SGCD: variants seen among roughly 807,000 people sequenced by gnomAD.
SGCD encodes sarcoglycan delta, also known as delta-sarcoglycan.
SGCD carries 18 observed loss-of-function variants against 36.6 expected under a neutral mutation model. The observed-to-expected ratio is 0.49, with a 90% CI of 0.34 to 0.73. SGCD has a LOEUF of 0.73. Among genes scored for constraint, SGCD ranks in the 30% least tolerant of loss-of-function variants. SGCD has a pLI of 0.01. For synonymous variants in SGCD, 133 were observed against 130.6 expected, an observed-to-expected ratio of 1.02 and a Z score of -0.12; for missense variants, 387 against 346.7, an observed-to-expected ratio of 1.12 and a Z score of -0.92.
chr5:155,778,951 A>G, the SGCD span, among the ~76,000 whole-genome samples: 3 of 152,214 alleles, frequency 2.0e-5, no homozygotes, highest in Non-Finnish European at 2.9e-5. Flanking sequence ...ATAAAGGGCC[A>G]GGGCCTTTGA....
intron 4 of SGCD, among the ~76,000 whole-genome samples, chr5:156,575,117 G>C (rs1759878971): frequency 6.6e-6 from 1 of 152,196 alleles, no homozygotes; most frequent in Admixed American, 6.5e-5. Flanking sequence ...CTGCAGCAAA[G>C]AGTGGGGTGG....
At position 156,363,014 on chromosome 5, in the gene SGCD, G is replaced by A. The variant is rs554547301; in HGVS notation, c.192+18337G>A. Reference sequence around the variant, plus strand: ...CCTAAATTGTTTATTTCTCCAGATGGTTTCTAAAATCTATGATTTTACCTT... The same window carrying A: ...CCTAAATTGTTTATTTCTCCAGATGATTTCTAAAATCTATGATTTTACCTT... On this transcript the variant is annotated intron_variant, in intron 3 of 8. Transcript: ENST00000337851. Among the ~76,000 whole-genome samples, 348 of 151,842 alleles carry A rather than the reference G, an allele frequency of 2.3e-3. 1 individual carries two copies. The highest frequency in any genetic ancestry group is 8.1e-3 in the African/African-American group (334 of 41,378).
chr5:155,912,748 T>G (rs1471090800), intron 1 of SGCD, among the ~76,000 whole-genome samples: 2 of 152,072 alleles, frequency 1.3e-5, no homozygotes, highest in Admixed American at 1.3e-4. Context: ...CTTCCCCTCT[T>G]CCTTCTCTTC....
intron 1 of SGCD, among the ~76,000 whole-genome samples, chr5:155,882,027 T>C (rs1208330194): frequency 6.6e-6 from 1 of 152,176 alleles, no homozygotes; most frequent in Admixed American, 6.5e-5. Flanking sequence ...AAGTTATTCA[T>C]GAGGGTTAAA....
At chr5:156,241,778 G>T (rs1765312615) in intron 3 of SGCD, among the ~76,000 whole-genome samples, 1 of 152,160 alleles carries the variant, frequency 6.6e-6, no homozygotes, top group Non-Finnish European at 1.5e-5. Context: ...ATGCTAGTAG[G>T]TACTGGAAAT....
intron 4 of SGCD, among the ~76,000 whole-genome samples, chr5:156,548,486 ACCATAATC>A (rs1317597833): frequency 6.6e-6 from 1 of 152,192 alleles, no homozygotes; most frequent in Non-Finnish European, 1.5e-5. Context: ...AGGGTTAAAG[ACCATAATC>A]TTGGAGGAAA....
intron 3 of SGCD, among the ~76,000 whole-genome samples, chr5:156,466,926 A>G (rs1754745471): frequency 1.3e-5 from 2 of 152,344 alleles, no homozygotes; most frequent in Admixed American, 6.5e-5. Context: ...TAGGACCCAC[A>G]AAAGCCACAA....
intron 1 of SGCD, among the ~76,000 whole-genome samples, chr5:156,072,900 C>A (rs1005896258): frequency 6.6e-6 from 1 of 152,176 alleles, no homozygotes; most frequent in African/African-American, 2.4e-5. Context: ...ATCACTGACA[C>A]CCTTTGTTCC....
intron 3 of SGCD, among the ~76,000 whole-genome samples, chr5:156,227,240 G>A (rs1042362548): frequency 2.0e-5 from 3 of 152,034 alleles, no homozygotes; most frequent in African/African-American, 2.4e-5. Flanking sequence ...TGAGGTGTTA[G>A]GTTTAAGTCC....
intron 1 of SGCD, among the ~76,000 whole-genome samples, chr5:155,915,752 C>A (rs570307243): frequency 1.6e-4 from 25 of 152,248 alleles, no homozygotes; most frequent in Non-Finnish European, 3.5e-4. Context: ...TTATTTGAAA[C>A]ATTTCAAAAA....
chr5:155,926,620 G>A (rs1757001682), intron 1 of SGCD, among the ~76,000 whole-genome samples: 2 of 152,240 alleles, frequency 1.3e-5, no homozygotes, highest in South Asian at 2.1e-4. Context: ...TAGATAAGTA[G>A]AAAATAATTT....
intron 3 of SGCD, among the ~76,000 whole-genome samples, chr5:156,160,125 T>A (rs767175784): frequency 1.5e-4 from 23 of 151,658 alleles, no homozygotes; most frequent in Non-Finnish European, 2.8e-4. Flanking sequence ...GACATATTTT[T>A]CACAAGTGCT....
intron 6 of SGCD, among the ~76,000 whole-genome samples, chr5:156,604,347 C>T (rs1286841096): frequency 2.0e-5 from 3 of 151,860 alleles, no homozygotes; most frequent in Non-Finnish European, 4.4e-5. Flanking sequence ...CATTCAGTCA[C>T]TGTATATATT....
chr5:155,860,128 A>ATG, the SGCD span, among the ~76,000 whole-genome samples: 1 of 152,224 alleles, frequency 6.6e-6, no homozygotes, highest in African/African-American at 2.4e-5. Flanking sequence ...TGGTCTTCAA[A>ATG]TGTTATTGCC....
the SGCD span, among the ~76,000 whole-genome samples, chr5:155,741,294 T>TG: frequency 7.2e-5 from 11 of 152,124 alleles, no homozygotes; most frequent in Non-Finnish European, 1.6e-4. Flanking sequence ...CCCTAAAAGG[T>TG]GCCACAGTCT....
At position 156,440,264 on chromosome 5, in the gene SGCD, T is replaced by C. The variant is rs577183048; in HGVS notation, c.193-68337T>C. 2.8e-4 allele frequency among the ~76,000 whole-genome samples: 42 copies of C among 152,312 alleles called. No homozygotes were observed. In the South Asian group the frequency reaches 6.2e-3, roughly 23 times the overall value. ...TTTGGCTTTTGGTGTCTGGTTTCTTTAACATAGCCTAATGTTTCATCCATC... is the reference window on the plus strand; with the variant it reads ...TTTGGCTTTTGGTGTCTGGTTTCTTCAACATAGCCTAATGTTTCATCCATC... On this transcript the variant is annotated intron_variant, in intron 3 of 8. Coordinates refer to ENST00000337851, the MANE Select transcript of SGCD (RefSeq NM_000337.6).
At chr5:155,766,740 A>G in the SGCD span, among the ~76,000 whole-genome samples, 1 of 152,184 alleles carries the variant, frequency 6.6e-6, no homozygotes, top group Non-Finnish European at 1.5e-5. Flanking sequence ...TACTCACTAG[A>G]ACTCTATAAG....
chr5:156,684,252 G>A (rs895450687), intron 7 of SGCD, among the ~76,000 whole-genome samples: 6 of 152,068 alleles, frequency 3.9e-5, no homozygotes, highest in Non-Finnish European at 7.4e-5. Context: ...GGCATTCTGG[G>A]TGGTGGAGGT....
At chr5:156,275,812 G>C (rs1386818219) in intron 3 of SGCD, among the ~76,000 whole-genome samples, 1 of 152,174 alleles carries the variant, frequency 6.6e-6, no homozygotes, top group African/African-American at 2.4e-5. Flanking sequence ...TATTGGTTCA[G>C]TAAGTGGCTT....
Sources: allele counts gnomAD v4.1 joint callset (sites outside exome capture counted in the v4.1 genomes callset), GRCh38; gene constraint gnomAD v4.1.1; transcripts MANE v1.5; gene names NCBI Gene and HGNC (gene_info 2026-07-23, HGNC 2026-07-21).